SNX4: variants seen among roughly 807,000 people sequenced by gnomAD.
The protein encoded by SNX4 is sorting nexin-4.
Under a neutral mutation model 70.8 loss-of-function variants are expected in SNX4, and 49 were observed. The ratio of observed to expected loss-of-function variants is 0.69; its 90% confidence interval spans 0.55 to 0.88. SNX4 has a LOEUF of 0.88. Among genes scored for constraint, SNX4 ranks in the 40% least tolerant of loss-of-function variants. SNX4 has a pLI of 0.00. For missense variants in SNX4, 528 were observed against 544.8 expected, an observed-to-expected ratio of 0.97 and a Z score of 0.31; for synonymous variants, 206 against 183.8, an observed-to-expected ratio of 1.12 and a Z score of -0.98.
Position 125,457,286 on chromosome 3 carries a change from A to G in SNX4, c.1024T>C (p.Cys342Arg). Reference sequence around the variant, plus strand: ...CTCACCCCAGTTACCAGTTCCTCACACTGCTGCTTCTTGGATGCTAAGTCC... The same window carrying G: ...CTCACCCCAGTTACCAGTTCCTCACGCTGCTGCTTCTTGGATGCTAAGTCC... ...AQDLASKKQQ[C>R]EELVTGTVRT... Residue 342 changes from cysteine (C) to arginine (R), a missense_variant, in exon 11 of 14, where the codon TGT becomes CGT. By Grantham distance (180) the Cys-to-Arg change is radical. This residue lies in a region of SNX4 where 159 missense variants were observed against 172.6 expected (regional missense o/e 0.92). Transcript: ENST00000251775. The G allele has an allele frequency of 1.9e-6, 3 of 1,613,890 alleles. No individual in the cohort carries two copies. Among genetic ancestry groups the G allele is most frequent in the Non-Finnish European group, 1.7e-6 (2 of 1,179,816 alleles).
Position 125,495,277 on chromosome 3 carries a change from T to TATATATATATATATATATATATATACAC in SNX4, c.597+2063_597+2064insGTGTATATATATATATATATATATATAT. ...ATATATATATATATATATATATATA[T>TATATATATATATATATATATATATACAC]ACACATACACACACACACACGTATG... On this transcript the variant is annotated intron_variant, in intron 5 of 13. Transcript: ENST00000251775. Among the ~76,000 whole-genome samples, 71 of 99,552 alleles carry TATATATATATATATATATATATATACAC rather than the reference T, an allele frequency of 7.1e-4. 1 individual carries two copies. Among genetic ancestry groups the TATATATATATATATATATATATATACAC allele is most frequent in the Non-Finnish European group, 1.1e-3 (56 of 49,366 alleles). 65.3% of individuals were successfully genotyped at this position (99,552 alleles called of 152,430 possible). A position where few individuals can be genotyped will look rare whatever the true frequency, so the allele number is the denominator to read the frequency against.
chr3:125,498,572 G>A (rs1487244179), intron 2 of SNX4, among the ~76,000 whole-genome samples: 2 of 152,138 alleles, frequency 1.3e-5, no homozygotes, highest in Non-Finnish European at 2.9e-5. Context: ...TCCTGCCTTG[G>A]CCTCATGTAT....
At chr3:125,514,801 A>C (rs1446470817) in intron 1 of SNX4, among the ~76,000 whole-genome samples, 3 of 152,096 alleles carry the variant, frequency 2.0e-5, no homozygotes, top group Non-Finnish European at 4.4e-5. Context: ...CTCCCACCTC[A>C]GCCTCCTGAG....
At chr3:125,460,424 A>G (rs1204355867) in intron 10 of SNX4, among the ~76,000 whole-genome samples, 5 of 152,224 alleles carry the variant, frequency 3.3e-5, no homozygotes, top group Non-Finnish European at 7.3e-5. Context: ...GATAAGACAC[A>G]CAGAATAAAA....
intron 1 of SNX4, among the ~76,000 whole-genome samples, chr3:125,510,720 A>G (rs1935152239): frequency 6.6e-6 from 1 of 152,224 alleles, no homozygotes; most frequent in Admixed American, 6.5e-5. Flanking sequence ...GGAATAGTCA[A>G]AATCATACAG....
rs755390251 is a variant in SNX4, at chr3:125,453,809, C to T, written c.1190+1G>A. ...TTACTTAAACATCGCAGCATCTTTACCTGCCTTCCAGATTTTTAGACTTTA... is the reference window on the plus strand; with the variant it reads ...TTACTTAAACATCGCAGCATCTTTATCTGCCTTCCAGATTTTTAGACTTTA... On this transcript the variant is annotated splice_donor_variant, in intron 12 of 13. Coordinates refer to ENST00000251775, the MANE Select transcript of SNX4 (RefSeq NM_003794.4). LOFTEE classifies it high-confidence loss of function. 2 of 1,613,720 alleles carry T rather than the reference C, an allele frequency of 1.2e-6. No individual in the cohort carries two copies. The highest frequency in any genetic ancestry group is 1.7e-6 in the Non-Finnish European group (2 of 1,179,828).
Position 125,460,861 on chromosome 3 carries a change from C to G in SNX4, c.855-1G>C. On this transcript the variant is annotated splice_acceptor_variant, in intron 9 of 13. Coordinates refer to ENST00000251775, the MANE Select transcript of SNX4 (RefSeq NM_003794.4). LOFTEE classifies it high-confidence loss of function. Reference sequence around the variant, plus strand: ...AATATCATCAATAGAAGATGCATACCTGTTTTAAAAAAAAAAACACACATT... The same window carrying G: ...AATATCATCAATAGAAGATGCATACGTGTTTTAAAAAAAAAAACACACATT... The G allele has an allele frequency of 7.0e-7, 1 of 1,419,554 alleles. No homozygotes were observed. Among genetic ancestry groups the G allele is most frequent in the Non-Finnish European group, 9.6e-7 (1 of 1,038,632 alleles). The allele number at this position is 1,419,554 out of a possible 1,614,324, so 87.9% of individuals were successfully genotyped here.
At chr3:125,519,756 C>A (rs562669816) in intron 1 of SNX4, among the ~76,000 whole-genome samples, 1 of 152,218 alleles carries the variant, frequency 6.6e-6, no homozygotes, top group African/African-American at 2.4e-5. Context: ...CGGGGGCGCC[C>A]CCCCGGGTCC....
At chr3:125,487,035 A>G (rs1934547930) in intron 6 of SNX4, among the ~76,000 whole-genome samples, 1 of 152,232 alleles carries the variant, frequency 6.6e-6, no homozygotes, top group Non-Finnish European at 1.5e-5. Context: ...GTTTGAGGAA[A>G]GATAAACATG....
rs1022769150 is a variant in SNX4, at chr3:125,447,200, C to T, written c.*579G>A. 2.0e-5 allele frequency: 3 copies of T among 152,598 alleles called. No homozygotes were observed. Among genetic ancestry groups the T allele is most frequent in the Non-Finnish European group, 4.4e-5 (3 of 68,042 alleles). The allele number at this position is 152,598 out of a possible 1,614,324, so 9.5% of individuals were successfully genotyped here. On this transcript the variant is annotated 3_prime_UTR_variant, in exon 14 of 14. Transcript: ENST00000251775. ...GCAGTATAAAATTTCTGACCAGTATCAAAATTCTGGTAAAACACAAATTGA... is the reference window on the plus strand; with the variant it reads ...GCAGTATAAAATTTCTGACCAGTATTAAAATTCTGGTAAAACACAAATTGA...
intron 2 of SNX4, among the ~76,000 whole-genome samples, chr3:125,503,418 GA>G (rs2107564652): frequency 6.6e-6 from 1 of 152,132 alleles, no homozygotes; most frequent in South Asian, 2.1e-4. Flanking sequence ...TTTCCCTTAG[GA>G]GGTAAAAGAC....
chr3:125,485,561 G>T (rs1934504458), intron 6 of SNX4, among the ~76,000 whole-genome samples: 1 of 152,156 alleles, frequency 6.6e-6, no homozygotes, highest in Admixed American at 6.5e-5. Flanking sequence ...GCCTCCCAAA[G>T]TGCTGGGATT....
At chr3:125,477,274 T>A (rs1934308593) in intron 7 of SNX4, among the ~76,000 whole-genome samples, 2 of 152,326 alleles carry the variant, frequency 1.3e-5, no homozygotes, top group African/African-American at 4.8e-5. Flanking sequence ...AGATATAGTT[T>A]TATATATAAA....
chr3:125,464,564 C>CTTTTTTTTTTTTTTTTTTTTT, intron 9 of SNX4, among the ~76,000 whole-genome samples: 1 of 67,054 alleles, frequency 1.5e-5, no homozygotes, highest in Non-Finnish European at 2.6e-5. Flanking sequence ...ATTTATCTTT[C>CTTTTTTTTTTTTTTTTTTTTT]TTTTTTTTTT....
chr3:125,478,736 A>C (rs1482879024), intron 7 of SNX4, among the ~76,000 whole-genome samples: 1 of 151,742 alleles, frequency 6.6e-6, no homozygotes, highest in African/African-American at 2.4e-5. Context: ...GTTGCTGAAA[A>C]ACCACTTAAG....
intron 1 of SNX4, among the ~76,000 whole-genome samples, chr3:125,510,711 G>T (rs1226829916): frequency 1.3e-5 from 2 of 152,154 alleles, no homozygotes; most frequent in East Asian, 1.9e-4. Context: ...GAGGTACTCG[G>T]AATAGTCAAA....
chr3:125,519,964 G>T, intron 1 of SNX4, 68 bp downstream of exon 1: 1 of 902,830 alleles, frequency 1.1e-6, no homozygotes, highest in Non-Finnish European at 1.5e-6. Flanking sequence ...GCCCAGCCCA[G>T]CCCAGCCCAG....
At chr3:125,494,864 GA>G (rs1406726323) in intron 5 of SNX4, among the ~76,000 whole-genome samples, 1 of 152,062 alleles carries the variant, frequency 6.6e-6, no homozygotes, top group African/African-American at 2.4e-5. Context: ...GGTGGGTAGG[GA>G]TTTTGCCTCA....
chr3:125,477,057 T>C (rs1189595536), intron 7 of SNX4, among the ~76,000 whole-genome samples: 4 of 152,190 alleles, frequency 2.6e-5, no homozygotes, highest in East Asian at 1.9e-4. Context: ...CCACTATAAA[T>C]AGTTGCATAA....
Sources: allele counts gnomAD v4.1 joint callset (sites outside exome capture counted in the v4.1 genomes callset), GRCh38; gene constraint gnomAD v4.1.1; regional missense constraint gnomAD v4.1.1; transcripts MANE v1.5; gene names NCBI Gene and HGNC (gene_info 2026-07-23, HGNC 2026-07-21).